CTXN2: variants seen among roughly 807,000 people sequenced by gnomAD.
The protein encoded by CTXN2 is cortexin 2.
Under a neutral mutation model 5.7 loss-of-function variants are expected in CTXN2, and 3 were observed. That is an observed-to-expected ratio of 0.53 (90% CI 0.24 to 1.36). The LOEUF (loss-of-function observed/expected upper bound fraction) is 1.36. CTXN2 is among the 40% of genes most tolerant of loss of function. The pLI, the probability that CTXN2 is intolerant of heterozygous loss-of-function variation, is 0.17. For missense variants in CTXN2, 87 were observed against 93.0 expected (o/e 0.94, Z 0.26); for synonymous variants, 38 against 36.4 (o/e 1.04, Z -0.16).
chr15:48,183,828 G>A (rs936623001), intron 1 of CTXN2, among the ~76,000 whole-genome samples: 21 of 152,192 alleles, frequency 1.4e-4, no homozygotes, highest in Admixed American at 5.2e-4. Context: ...CAGTCCCAAC[G>A]TTACAGAGCA....
chr15:48,187,038 T>A (rs1310027823), upstream of CTXN2, among the ~76,000 whole-genome samples: 1 of 152,080 alleles, frequency 6.6e-6, no homozygotes, highest in Non-Finnish European at 1.5e-5. Context: ...TACCTTGGGA[T>A]TATAAAAATG....
At chr15:48,186,639 G>A (rs998600305) in intron 1 of CTXN2, among the ~76,000 whole-genome samples, 5 of 152,056 alleles carry the variant, frequency 3.3e-5, no homozygotes, top group East Asian at 1.9e-4. Context: ...GTTGGCTCAC[G>A]CCTGTAATCC....
chr15:48,200,264 A>T (rs1287315366), intron 1 of CTXN2, among the ~76,000 whole-genome samples: 1 of 151,830 alleles, frequency 6.6e-6, no homozygotes, highest in African/African-American at 2.4e-5. Context: ...CCTCTTAAAA[A>T]AGGTGGCTGT....
rs1461675316 is a variant in CTXN2 at position 48,202,371 on chromosome 15, C to T, written c.*825C>T. 1 of 167,030 alleles carries T rather than the reference C, an allele frequency of 6.0e-6. No individual in the cohort carries two copies. The highest frequency in any genetic ancestry group is 1.5e-5 in the Non-Finnish European group (1 of 68,114). The allele number at this position is 167,030 out of a possible 1,614,324, so 10.3% of individuals were successfully genotyped here. On this transcript the variant is annotated 3_prime_UTR_variant, in exon 2 of 2. Transcript: ENST00000417307. ...CTTCAGTGAAGAGTAGTGTTAACATCCTTTTCAATTCTAGTGCCCTATGAA... is the reference window on the plus strand; with the variant it reads ...CTTCAGTGAAGAGTAGTGTTAACATTCTTTTCAATTCTAGTGCCCTATGAA...
chr15:48,201,725 T>C lies in CTXN2; in HGVS notation c.*179T>C, dbSNP rs946101268. 20 of 664,360 alleles carry C rather than the reference T, an allele frequency of 3.0e-5. No individual in the cohort carries two copies. The highest frequency in any genetic ancestry group is 2.6e-4 in the African/African-American group (14 of 54,576). 41.2% of individuals were successfully genotyped at this position (664,360 alleles called of 1,614,324 possible). A position where few individuals can be genotyped will look rare whatever the true frequency, so the allele number is the denominator to read the frequency against. ...AAACTATTGTTGGGATTCCTCACTT[T>C]CCTCTGTTCCCACTTAGAGGTTTCC... On this transcript the variant is annotated 3_prime_UTR_variant, in exon 2 of 2. Coordinates refer to ENST00000417307, the MANE Select transcript of CTXN2 (RefSeq NM_001145668.2).
chr15:48,188,294 C>T (rs7176599), upstream of CTXN2, among the ~76,000 whole-genome samples: 122,372 of 151,904 alleles, frequency 0.81, 54,690 homozygotes, highest in Non-Finnish European at 1. Flanking sequence ...GTTAATTTGA[C>T]TCTGGCATCC....
chr15:48,196,977 A>G (rs2040885264), intron 1 of CTXN2, among the ~76,000 whole-genome samples: 1 of 150,004 alleles, frequency 6.7e-6, no homozygotes, highest in South Asian at 2.1e-4. Context: ...GTAGCTAAAC[A>G]TTATTCTACT....
upstream of CTXN2, among the ~76,000 whole-genome samples, chr15:48,188,718 G>A (rs1021517748): frequency 3.9e-5 from 6 of 152,114 alleles, no homozygotes; most frequent in African/African-American, 1.4e-4. Context: ...ATAAATCATA[G>A]ATGCTCCAGA....
intron 1 of CTXN2, among the ~76,000 whole-genome samples, chr15:48,185,029 A>G (rs189952869): frequency 6.6e-6 from 1 of 152,294 alleles, no homozygotes; most frequent in East Asian, 1.9e-4. Flanking sequence ...GTGTTGTTAA[A>G]TGAAAGAAGC....
intron 1 of CTXN2, among the ~76,000 whole-genome samples, chr15:48,179,549 G>A (rs2040673192): frequency 6.6e-6 from 1 of 152,080 alleles, no homozygotes. Flanking sequence ...CGCAGAAAGG[G>A]CATTCAATTG....
chr15:48,200,651 A>G (rs1332220670), intron 1 of CTXN2, among the ~76,000 whole-genome samples: 6 of 152,192 alleles, frequency 3.9e-5, no homozygotes, highest in Non-Finnish European at 5.9e-5. Flanking sequence ...GTAATTTTAA[A>G]AACATAATTC....
At chr15:48,180,835 G>T (rs1003797934) in intron 1 of CTXN2, among the ~76,000 whole-genome samples, 17 of 152,246 alleles carry the variant, frequency 1.1e-4, no homozygotes, top group Non-Finnish European at 2.4e-4. Context: ...TTGTTTGTTT[G>T]TTTTTTAGTG....
intron 1 of CTXN2, among the ~76,000 whole-genome samples, chr15:48,199,437 T>C (rs1174916393): frequency 6.6e-6 from 1 of 152,146 alleles, no homozygotes; most frequent in African/African-American, 2.4e-5. Flanking sequence ...AATATCCACA[T>C]GTTGTAGCCC....
Position 48,185,324 on chromosome 15 carries a change from G to T in CTXN2, c.-454-6133G>T, listed in dbSNP as rs2040738887. Among the ~76,000 whole-genome samples, 4 of 152,070 alleles carry T rather than the reference G, an allele frequency of 2.6e-5. No individual in the cohort carries two copies. The South Asian group carries it at 8.3e-4, about 32-fold the overall frequency. ...ATGTAACAAAATTGTTTTATCAATTGTTAACAAATGTACCACACTAATGTA... is the reference window on the plus strand; with the variant it reads ...ATGTAACAAAATTGTTTTATCAATTTTTAACAAATGTACCACACTAATGTA... On this transcript the variant is annotated intron_variant, in intron 1 of 2. Transcript: ENST00000644354.
intron 1 of CTXN2, among the ~76,000 whole-genome samples, chr15:48,195,473 A>G (rs1456921227): frequency 6.6e-6 from 1 of 152,086 alleles, no homozygotes; most frequent in East Asian, 1.9e-4. Flanking sequence ...CAGTCAACAT[A>G]TTTCACAATT....
In CTXN2 at chr15:48,202,887, G is replaced by A. The variant is rs1567296699; in HGVS notation, c.*1341G>A. On this transcript the variant is annotated 3_prime_UTR_variant, in exon 2 of 2. Transcript: ENST00000417307. ...GAGTCAGAATGGAGGAACATAGCAG[G>A]AGATAAATACAAAAATATTTATGTC... The A allele has an allele frequency of 6.1e-6, 1 of 165,006 alleles. No individual in the cohort carries two copies. Among genetic ancestry groups the A allele is most frequent in the Admixed American group, 6.6e-5 (1 of 15,254 alleles). 10.2% of individuals were successfully genotyped at this position (165,006 alleles called of 1,614,324 possible).
At chr15:48,183,577 T>A (rs555566989) in intron 1 of CTXN2, among the ~76,000 whole-genome samples, 51 of 152,340 alleles carry the variant, frequency 3.3e-4, no homozygotes, top group Non-Finnish European at 6.3e-4. Context: ...ACTGGTTTTG[T>A]CTGCTCCGAG....
At chr15:48,187,281 T>C (rs1045626451), upstream of CTXN2, among the ~76,000 whole-genome samples, 1 of 151,728 alleles carries the variant, frequency 6.6e-6, no homozygotes, top group African/African-American at 2.4e-5. Flanking sequence ...CTTTTGAATA[T>C]AGCTAATTAC....
chr15:48,181,981 C>T (rs141260743), intron 1 of CTXN2, among the ~76,000 whole-genome samples: 5 of 152,178 alleles, frequency 3.3e-5, no homozygotes, highest in African/African-American at 1.2e-4. Flanking sequence ...TATGTATTTC[C>T]CTTTTTATAG....
Sources: gnomAD v4.1 joint callset for allele counts (sites outside exome capture counted in the v4.1 genomes callset) on GRCh38, gnomAD v4.1.1 for gene constraint, MANE v1.5 for transcripts, NCBI Gene and HGNC (gene_info 2026-07-23, HGNC 2026-07-21) for gene names.